The following IFIH1 variants were observed in gnomAD, a reference collection of about 807,000 sequenced individuals.
IFIH1 encodes the protein interferon induced with helicase C domain 1.
A neutral mutation model predicts 107.4 loss-of-function variants in IFIH1; 125 were observed. The observed-to-expected ratio is 1.16, with a 90% CI of 1.01 to 1.35. The LOEUF (loss-of-function observed/expected upper bound fraction) is 1.35, where lower values mean the gene tolerates loss of function less well. Ranked by LOEUF, IFIH1 falls within the 40% of genes most tolerant of loss-of-function variation. IFIH1 has a pLI of 0.00. For missense variants in IFIH1, 1,333 were observed against 1,213.7 expected (o/e 1.10, Z -1.46); for synonymous variants, 458 against 413.2 (o/e 1.11, Z -1.31).
intron 1 of IFIH1, among the ~76,000 whole-genome samples, chr2:162,317,016 GGTGTGTGTGT>G (rs56835671): frequency 6.2e-5 from 9 of 144,022 alleles, no homozygotes; most frequent in South Asian, 2.2e-4. Context: ...AAAGAAAAAG[GGTGTGTGTGT>G]GTGTGTGTGT....
rs1479705184 is a variant in IFIH1, at chr2:162,318,640, G to A, written c.-333C>T. The A allele has an allele frequency of 5.7e-6, 1 of 175,422 alleles. No individual in the cohort carries two copies. The highest frequency in any genetic ancestry group is 1.6e-4 in the East Asian group (1 of 6,394). The allele number at this position is 175,422 out of a possible 1,614,324, so 10.9% of individuals were successfully genotyped here. ...GCGATCCTGCTGCACACTCGGGTAG[G>A]AGCTTTGAGTCCAGCTTTCTGTCAG... is the stretch of plus-strand genomic sequence containing the variant. On this transcript the variant is annotated 5_prime_UTR_variant, in exon 1 of 16. Transcript: ENST00000649979.
At chr2:162,295,428 T>A (rs536696225) in intron 3 of IFIH1, among the ~76,000 whole-genome samples, 1 of 152,088 alleles carries the variant, frequency 6.6e-6, no homozygotes, top group South Asian at 2.1e-4. Context: ...TCTGTGACAT[T>A]TACATCTCCC....
intron 1 of IFIH1, among the ~76,000 whole-genome samples, chr2:162,317,120 C>G (rs911388194): frequency 2.0e-5 from 3 of 151,196 alleles, no homozygotes; most frequent in African/African-American, 7.3e-5. Flanking sequence ...GATTGGAAAA[C>G]TTTTTCTCTA....
At position 162,280,022 on chromosome 2, in the gene IFIH1, A is replaced by G; in HGVS notation, c.1615T>C (p.Phe539Leu). ...TCTCTGGTTGCATCTGCAATGGCAAACTTCTTGCATGGCTCCTGTATTTGG... is the reference window on the plus strand; with the variant it reads ...TCTCTGGTTGCATCTGCAATGGCAAGCTTCTTGCATGGCTCCTGTATTTGG... ...KNQIQEPCKK[F>L]AIADATREDP... The change falls in exon 8 of 16, where the codon TTT (phenylalanine) becomes CTT (leucine). Residue 539 changes from phenylalanine to leucine, a missense_variant. Physicochemically the swap from Phe to Leu is conservative, Grantham distance 22. Transcript: ENST00000649979. 1 of 1,607,970 alleles carries G rather than the reference A, an allele frequency of 6.2e-7. No individual in the cohort carries two copies. Among genetic ancestry groups the G allele is most frequent in the Non-Finnish European group, 8.5e-7 (1 of 1,174,896 alleles).
At chr2:162,275,135 C>T (rs991152608) in intron 11 of IFIH1, among the ~76,000 whole-genome samples, 2 of 152,158 alleles carry the variant, frequency 1.3e-5, no homozygotes, top group Non-Finnish European at 2.9e-5. Context: ...AGATGCCTAA[C>T]ACCATTGCTA....
At chr2:162,303,071 G>A (rs1683218855) in intron 3 of IFIH1, among the ~76,000 whole-genome samples, 1 of 151,986 alleles carries the variant, frequency 6.6e-6, no homozygotes, top group Admixed American at 6.6e-5. Context: ...ACTACTGCTG[G>A]GCCGACACCT....
intron 3 of IFIH1, among the ~76,000 whole-genome samples, chr2:162,304,930 C>T (rs1049443171): frequency 1.3e-5 from 2 of 151,904 alleles, no homozygotes; most frequent in Non-Finnish European, 2.9e-5. Flanking sequence ...ATCATTTGAC[C>T]CAGAAATTCC....
chr2:162,318,159 A>C lies in IFIH1; in HGVS notation c.149T>G (p.Val50Gly), dbSNP rs1231134534. 10 of 1,614,036 alleles carry C rather than the reference A, an allele frequency of 6.2e-6. No homozygotes were observed. The highest frequency in any genetic ancestry group is 8.5e-6 in the Non-Finnish European group (10 of 1,180,030). Reference protein sequence around the residue: ...AEVKEQIQRTVATSGNMQAVE... With the variant: ...AEVKEQIQRTGATSGNMQAVE... ...TGCCTGCATGTTCCCGGAGGTGGCG[A>C]CTGTCCTCTGAATCTGCTCCTTCAC... Residue 50 changes from valine to glycine, a missense_variant, in exon 1 of 16, where the codon GTC becomes GGC. Physicochemically the swap from Val to Gly is moderately radical, Grantham distance 109. Transcript: ENST00000649979.
At position 162,280,047 on chromosome 2, in the gene IFIH1, G is replaced by C. The variant is rs369245661; in HGVS notation, c.1590C>G (p.Asn530Lys). Residue 530 changes from asparagine (N) to lysine (K), a missense_variant, in exon 8 of 16, where the codon AAC (asparagine) becomes AAG (lysine). Transcript: ENST00000649979. ...ACTTCTTGCATGGCTCCTGTATTTG[G>C]TTTTTCAGTTGATCAAGGTTTTCTT... ...TVKENLDQLKNQIQEPCKKFA... is the reference protein window; with the variant it reads ...TVKENLDQLKKQIQEPCKKFA... 15 of 1,611,522 alleles carry C rather than the reference G, an allele frequency of 9.3e-6. No individual in the cohort carries two copies. In the East Asian group the frequency reaches 1.1e-4, roughly 12 times the overall value.
In IFIH1 at chr2:162,289,520, C is replaced by T. The variant is rs373109106; in HGVS notation, c.875-1165G>A. 4.6e-5 allele frequency among the ~76,000 whole-genome samples: 7 copies of T among 152,010 alleles called. No homozygotes were observed. The East Asian group carries it at 1.4e-3, about 30-fold the overall frequency. On this transcript the variant is annotated intron_variant, in intron 4 of 15. Transcript: ENST00000649979. Reference sequence around the variant, plus strand: ...CAGTATTTATCCATATTTCATCACACATGAAATAACTTCTTTTTCTTATCA... The same window carrying T: ...CAGTATTTATCCATATTTCATCACATATGAAATAACTTCTTTTTCTTATCA...
chr2:162,316,338 A>G (rs1297165329), intron 1 of IFIH1, among the ~76,000 whole-genome samples: 1 of 152,142 alleles, frequency 6.6e-6, no homozygotes, highest in Non-Finnish European at 1.5e-5. Context: ...CTTTCTTCCA[A>G]ATTAAGATTC....
intron 13 of IFIH1, among the ~76,000 whole-genome samples, chr2:162,270,532 CT>C (rs1462009287): frequency 6.6e-6 from 1 of 152,150 alleles, no homozygotes; most frequent in Non-Finnish European, 1.5e-5. Flanking sequence ...CTAAGTTCAT[CT>C]ACCTGAAGTA....
intron 9 of IFIH1, 106 bp downstream of exon 9, chr2:162,278,099 T>C (rs1682736564): frequency 2.2e-6 from 2 of 907,828 alleles, no homozygotes; most frequent in Admixed American, 5.2e-5. Flanking sequence ...AAATTCTATT[T>C]GGAACTACTT....
At chr2:162,287,384 C>A (rs1031484016) in intron 5 of IFIH1, among the ~76,000 whole-genome samples, 1 of 151,470 alleles carries the variant, frequency 6.6e-6, no homozygotes, top group East Asian at 1.9e-4. Flanking sequence ...ATTCATATCC[C>A]CAATTTGTAT....
At chr2:162,306,336 G>GA (rs1260150961) in intron 3 of IFIH1, among the ~76,000 whole-genome samples, 2 of 151,820 alleles carry the variant, frequency 1.3e-5, no homozygotes, top group Non-Finnish European at 1.5e-5. Flanking sequence ...TTAAACCAGA[G>GA]AAAAAAAGCA....
At chr2:162,296,662 C>T (rs975006405) in intron 3 of IFIH1, among the ~76,000 whole-genome samples, 8 of 152,226 alleles carry the variant, frequency 5.3e-5, no homozygotes, top group African/African-American at 1.4e-4. Context: ...GAGACATTTT[C>T]ATTGTATTGT....
chr2:162,307,018 T>G (rs1683292756), intron 2 of IFIH1, 163 bp from the exon 3 acceptor site: 3 of 573,656 alleles, frequency 5.2e-6, no homozygotes, highest in Non-Finnish European at 9.1e-6. Flanking sequence ...TAAATTGTAT[T>G]GCAATGCAAG....
At chr2:162,299,235 T>A (rs1275419820) in intron 3 of IFIH1, among the ~76,000 whole-genome samples, 1 of 151,904 alleles carries the variant, frequency 6.6e-6, no homozygotes, top group Non-Finnish European at 1.5e-5. Context: ...TAGAGTAGAG[T>A]CAGTTAATAG....
chr2:162,268,346 C>A, intron 13 of IFIH1, 69 bp from the exon 14 acceptor site: 3 of 1,057,808 alleles, frequency 2.8e-6, no homozygotes, highest in South Asian at 1.6e-5. Flanking sequence ...AGAAGTAAGT[C>A]TCCTGAAATT....
Sources: allele counts gnomAD v4.1 joint callset (sites outside exome capture counted in the v4.1 genomes callset), GRCh38; gene constraint gnomAD v4.1.1; transcripts MANE v1.5; gene names NCBI Gene and HGNC (gene_info 2026-07-23, HGNC 2026-07-21).